The following MAP3K13 variants were observed in gnomAD, a reference collection of about 807,000 sequenced individuals.
MAP3K13 encodes mitogen-activated protein kinase kinase kinase 13, also known as leucine zipper-bearing kinase.
Under a neutral mutation model 104.0 loss-of-function variants are expected in MAP3K13, and 52 were observed. The observed-to-expected ratio is 0.50, with a 90% confidence interval of 0.40 to 0.63. MAP3K13 has a LOEUF of 0.63. Among genes scored for constraint, MAP3K13 ranks in the 20% least tolerant of loss-of-function variants. The probability of loss-of-function intolerance (pLI) is 0.00; values close to 1 mark genes in which losing one functional copy is unlikely to be tolerated. For missense variants in MAP3K13, 914 were observed against 1,218.5 expected, an observed-to-expected ratio of 0.75 and a Z score of 3.72; for synonymous variants, 394 against 442.2, an observed-to-expected ratio of 0.89 and a Z score of 1.37.
At chr3:185,375,671 G>C (rs1724391843) in intron 1 of MAP3K13, among the ~76,000 whole-genome samples, 1 of 152,186 alleles carries the variant, frequency 6.6e-6, no homozygotes, top group Non-Finnish European at 1.5e-5. Flanking sequence ...AACGCTAGCT[G>C]CTTTTTTAGC....
chr3:185,316,020 A>G (rs1041333243), intron 2 of MAP3K13, among the ~76,000 whole-genome samples: 2 of 152,216 alleles, frequency 1.3e-5, no homozygotes, highest in African/African-American at 4.8e-5. Context: ...CTTAGAGGGC[A>G]AAGTGCGTCT....
rs1453657302 is a variant in MAP3K13 at position 185,440,102 on chromosome 3, C to G, written c.659+2472C>G. On this transcript the variant is annotated intron_variant, in intron 3 of 13. Transcript: ENST00000265026. ...AAAACCACATACAGAAGGGGAAGTA[C>G]AAGATAAGAATGCTATACTCTTTTT... is the stretch of plus-strand genomic sequence containing the variant. Among the ~76,000 whole-genome samples, 4 of 152,118 alleles carry G rather than the reference C, an allele frequency of 2.6e-5. No individual in the cohort carries two copies. In the South Asian group the frequency reaches 8.3e-4, roughly 32 times the overall value.
chr3:185,389,457 G>A (rs796231091), intron 1 of MAP3K13, among the ~76,000 whole-genome samples: 37 of 152,032 alleles, frequency 2.4e-4, no homozygotes, highest in African/African-American at 8.4e-4. Context: ...ACTAAGCCCT[G>A]AACAAATGAT....
intron 3 of MAP3K13, among the ~76,000 whole-genome samples, chr3:185,440,689 T>C (rs1390687656): frequency 6.6e-6 from 1 of 152,218 alleles, no homozygotes; most frequent in Admixed American, 6.5e-5. Context: ...TAACCTGCTA[T>C]TGTTATAAGA....
At chr3:185,466,792 T>C (rs1301307796) in intron 9 of MAP3K13, 34 bp from the exon 10 acceptor site, 11 of 1,613,252 alleles carry the variant, frequency 6.8e-6, no homozygotes, top group Non-Finnish European at 9.3e-6. Flanking sequence ...CTGTCTGCAA[T>C]GACTGAGGTG....
chr3:185,429,023 G>C lies in MAP3K13; in HGVS notation c.442G>C (p.Ala148Pro). Residue 148 changes from alanine (A) to proline (P), a missense_variant, in exon 2 of 14, where the codon GCA (alanine) becomes CCA (proline). By Grantham distance (27) the Ala-to-Pro change is conservative (BLOSUM62 -1). Transcript: ENST00000265026. ...GCCTGTATGGAATATCATTGGGAAG[G>C]CATATTCCACTGATTACAAATTGCA... ...LRPVWNIIGK[A>P]YSTDYKLQQQ... 1 of 1,613,820 alleles carries C rather than the reference G, an allele frequency of 6.2e-7. No individual in the cohort carries two copies. The highest frequency in any genetic ancestry group is 8.5e-7 in the Non-Finnish European group (1 of 1,179,756).
chr3:185,348,613 G>A (rs1300668481), intron 2 of MAP3K13, among the ~76,000 whole-genome samples: 5 of 152,028 alleles, frequency 3.3e-5, no homozygotes, highest in African/African-American at 4.8e-5. Flanking sequence ...CCTAGACCAC[G>A]AGGAGTGGCT....
At chr3:185,453,371 A>G (rs1484513797) in intron 7 of MAP3K13, among the ~76,000 whole-genome samples, 8 of 152,112 alleles carry the variant, frequency 5.3e-5, no homozygotes. Flanking sequence ...AAGACATTTT[A>G]CTAGCAATTG....
chr3:185,475,195 C>G (rs1459878679), intron 11 of MAP3K13, among the ~76,000 whole-genome samples: 1 of 151,780 alleles, frequency 6.6e-6, no homozygotes, highest in African/African-American at 2.4e-5. Context: ...TCTGCCTCAT[C>G]AGTTGCTATA....
chr3:185,300,658 A>C (rs1347406339), intron 2 of MAP3K13, among the ~76,000 whole-genome samples: 3 of 151,446 alleles, frequency 2.0e-5, no homozygotes, highest in African/African-American at 7.3e-5. Context: ...ACGCTGGCTA[A>C]TTTTTGTATT....
At chr3:185,410,045 A>G (rs1713342514) in intron 1 of MAP3K13, among the ~76,000 whole-genome samples, 1 of 152,140 alleles carries the variant, frequency 6.6e-6, no homozygotes, top group African/African-American at 2.4e-5. Context: ...GCAGTTCACA[A>G]TAGGGTTTGC....
chr3:185,334,939 A>G (rs999100576), intron 2 of MAP3K13, among the ~76,000 whole-genome samples: 1 of 151,982 alleles, frequency 6.6e-6, no homozygotes, highest in Non-Finnish European at 1.5e-5. Context: ...GGGGGAAAAA[A>G]TTTCATGCCT....
intron 2 of MAP3K13, among the ~76,000 whole-genome samples, chr3:185,305,088 A>T: frequency 6.6e-6 from 1 of 152,070 alleles, no homozygotes; most frequent in Non-Finnish European, 1.5e-5. Context: ...TTTGATTGAG[A>T]GTTCTGTTTA....
chr3:185,441,968 G>A (rs762188849), intron 3 of MAP3K13, among the ~76,000 whole-genome samples: 40 of 151,770 alleles, frequency 2.6e-4, no homozygotes, highest in Non-Finnish European at 4.0e-4. Flanking sequence ...TTGAACCCGG[G>A]AGGTGGAGGT....
At chr3:185,389,781 T>C (rs1183288634) in intron 1 of MAP3K13, among the ~76,000 whole-genome samples, 3 of 127,036 alleles carry the variant, frequency 2.4e-5, no homozygotes, top group African/African-American at 5.8e-5. Context: ...TATTAGAAAC[T>C]AAAACAAAAA....
intron 2 of MAP3K13, among the ~76,000 whole-genome samples, chr3:185,347,084 T>G (rs1722956535): frequency 6.7e-6 from 1 of 150,352 alleles, no homozygotes; most frequent in African/African-American, 2.5e-5. Context: ...CCTCCCGGGT[T>G]CAAGCTATTC....
intron 9 of MAP3K13, among the ~76,000 whole-genome samples, chr3:185,466,369 CTTTTTT>C (rs59523963): frequency 7.0e-5 from 6 of 85,306 alleles, no homozygotes; most frequent in Non-Finnish European, 1.1e-4. Context: ...TTAGTATTTC[CTTTTTT>C]TTTTTTTTTT....
At chr3:185,383,561 CA>C (rs34255859) in intron 1 of MAP3K13, among the ~76,000 whole-genome samples, 31,167 of 91,130 alleles carry the variant, frequency 0.34, 3,202 homozygotes, top group Admixed American at 0.38. Context: ...GACTCTGTCT[CA>C]AAAAAAAAAA....
chr3:185,340,611 G>C (rs1340988356), intron 2 of MAP3K13, among the ~76,000 whole-genome samples: 1 of 152,174 alleles, frequency 6.6e-6, no homozygotes, highest in African/African-American at 2.4e-5. Context: ...ATGGTTGGCT[G>C]TGTCCCCACC....
Sources: gnomAD v4.1 joint callset for allele counts (sites outside exome capture counted in the v4.1 genomes callset) on GRCh38, gnomAD v4.1.1 for gene constraint, MANE v1.5 for transcripts, NCBI Gene and HGNC (gene_info 2026-07-23, HGNC 2026-07-21) for gene names.